XRN1: variants seen among roughly 807,000 people sequenced by gnomAD.
XRN1 encodes the protein 5'-3' exoribonuclease 1, also known as strand-exchange protein 1 homolog.
A neutral mutation model predicts 222.3 loss-of-function variants in XRN1; 67 were observed. The ratio of observed to expected loss-of-function variants is 0.30; its 90% CI spans 0.25 to 0.37. The LOEUF is 0.37. Among genes scored for constraint, XRN1 ranks in the 10% least tolerant of loss-of-function variants. The pLI is 1.00. For missense variants in XRN1, 1,707 were observed against 2,000.2 expected, an observed-to-expected ratio of 0.85 and a Z score of 2.80; for synonymous variants, 643 against 652.4, an observed-to-expected ratio of 0.99 and a Z score of 0.22.
intron 15 of XRN1, among the ~76,000 whole-genome samples, chr3:142,408,997 G>A (rs1288504631): frequency 6.6e-6 from 1 of 152,108 alleles, no homozygotes; most frequent in Non-Finnish European, 1.5e-5. Flanking sequence ...ATCTTGCCTT[G>A]TGAAAATGGC....
intron 19 of XRN1, 56 bp from the exon 20 acceptor site, chr3:142,397,516 T>G: frequency 7.2e-7 from 1 of 1,391,854 alleles, no homozygotes; most frequent in Non-Finnish European, 9.5e-7. Flanking sequence ...AATATAGAGT[T>G]CTAGCAGTGT....
chr3:142,404,919 C>T lies in XRN1; in HGVS notation c.1871G>A (p.Arg624Gln), dbSNP rs150688965. ...CAAGTAACATTACCTTGTACAACAT[C>T]GTTCTATGGCAGGGAACTTTTCTGG... ...PWPEKFPAIERCCTRYKIISL... is the reference protein window; with the variant it reads ...PWPEKFPAIEQCCTRYKIISL... The change falls in exon 16 of 41, where the codon CGA (arginine) becomes CAA (glutamine). Residue 624 changes from arginine (R) to glutamine (Q), a missense_variant. This residue lies in a region of XRN1 where 1,234 missense variants were observed against 1,518.2 expected (regional missense o/e 0.81). Coordinates refer to ENST00000392981, the MANE Select transcript of XRN1 (RefSeq NM_001282857.2). 2.7e-5 allele frequency: 44 copies of T among 1,613,810 alleles called. No homozygotes were observed. In the African/African-American group the frequency reaches 4.3e-4, roughly 16 times the overall value.
At position 142,310,861 on chromosome 3, in the gene XRN1, G is replaced by T. The variant is rs1216754653; in HGVS notation, c.*650C>A. ...TATTTATAGTTCTAAGCAGTTAGAT[G>T]AAATATTCTGATTATTCTAAAGTTG... On this transcript the variant is annotated 3_prime_UTR_variant, in exon 41 of 41. Coordinates refer to ENST00000392981, the MANE Select transcript of XRN1 (RefSeq NM_001282857.2). The T allele has an allele frequency of 6.6e-6, 1 of 152,572 alleles. No individual in the cohort carries two copies. Among genetic ancestry groups the T allele is most frequent in the Non-Finnish European group, 1.5e-5 (1 of 68,020 alleles). 9.5% of individuals were successfully genotyped at this position (152,572 alleles called of 1,614,324 possible).
rs372200457 is a variant in XRN1 at position 142,425,418 on chromosome 3, A to C, written c.516+11T>G. The C allele has an allele frequency of 3.0e-4, 486 of 1,594,398 alleles. 5 individuals are homozygous for C. The highest frequency in any genetic ancestry group is 6.2e-5 in the Non-Finnish European group (73 of 1,171,206). ...TTTTTTTAAACTCTTTAAATAAAAA[A>C]AGATAATAACCTCATGGCCTGAGAA... On this transcript the variant is annotated intron_variant, in intron 4 of 40. Coordinates refer to ENST00000392981, the MANE Select transcript of XRN1 (RefSeq NM_001282857.2).
chr3:142,321,172 T>C (rs1410853946), intron 37 of XRN1, among the ~76,000 whole-genome samples: 1 of 142,396 alleles, frequency 7.0e-6, no homozygotes, highest in African/African-American at 2.6e-5. Flanking sequence ...CAGGCTGGAA[T>C]GCAGTAGCGT....
chr3:142,442,849 T>G (rs2070291937), intron 1 of XRN1, among the ~76,000 whole-genome samples: 1 of 151,776 alleles, frequency 6.6e-6, no homozygotes, highest in African/African-American at 2.4e-5. Flanking sequence ...TTCTCCTGCC[T>G]CAGCCTCCTG....
At chr3:142,343,449 C>T (rs894486827) in intron 33 of XRN1, among the ~76,000 whole-genome samples, 2 of 148,958 alleles carry the variant, frequency 1.3e-5, no homozygotes, top group African/African-American at 2.5e-5. Flanking sequence ...AGCGAAATTC[C>T]GTCTTAAAAA....
At chr3:142,433,194 CA>C (rs1165731221) in intron 1 of XRN1, among the ~76,000 whole-genome samples, 3 of 152,142 alleles carry the variant, frequency 2.0e-5, no homozygotes, top group African/African-American at 7.2e-5. Flanking sequence ...ATTTGGTACT[CA>C]AAATATTAGT....
At position 142,312,658 on chromosome 3, in the gene XRN1, C is replaced by T; in HGVS notation, c.4722G>A (p.Gly1574=). The T allele has an allele frequency of 6.2e-7, 1 of 1,613,706 alleles. No individual in the cohort carries two copies. Among genetic ancestry groups the T allele is most frequent in the Non-Finnish European group, 8.5e-7 (1 of 1,179,674 alleles). ...GKPFHHTLYS[G]TMPMAGGIPG... is the part of the protein sequence containing the mutation. ...GTATTCCCCCAGCCATGGGCATGGT[C>T]CCAGAATATAAAGTATGATGGAAGG... Residue 1574 remains glycine (G), a synonymous_variant, in exon 40 of 41, where the codon GGG becomes GGA. Coordinates refer to ENST00000392981, the MANE Select transcript of XRN1 (RefSeq NM_001282857.2).
At chr3:142,443,443 CA>C (rs1484318193) in intron 1 of XRN1, among the ~76,000 whole-genome samples, 19 of 106,184 alleles carry the variant, frequency 1.8e-4, no homozygotes, top group Non-Finnish European at 4.0e-4. Context: ...CACACCTGAT[CA>C]ATCAGAGAGC....
chr3:142,425,280 G>A lies in XRN1; in HGVS notation c.569C>T (p.Ala190Val). ...KIMEFIRSEK[A>V]KPDHDPNTRH... ...GGTGTTTGGATCATGATCTGGCTTT[G>A]CTTTCTCGGATCTGATAAATTCCAT... is the stretch of plus-strand genomic sequence containing the variant. Residue 190 changes from alanine to valine, a missense_variant, in exon 5 of 41, where the codon GCA becomes GTA. Physicochemically the swap from Ala to Val is moderately conservative, Grantham distance 64. This residue lies in a region of XRN1 where 1,234 missense variants were observed against 1,518.2 expected (regional missense o/e 0.81). Transcript: ENST00000392981. The A allele has an allele frequency of 6.2e-7, 1 of 1,608,014 alleles. No homozygotes were observed. The highest frequency in any genetic ancestry group is 1.1e-5 in the South Asian group (1 of 89,428).
At chr3:142,327,494 A>C (rs776503241) in intron 37 of XRN1, among the ~76,000 whole-genome samples, 17 of 150,864 alleles carry the variant, frequency 1.1e-4, no homozygotes, top group Non-Finnish European at 2.2e-4. Flanking sequence ...TCTCTTTTAC[A>C]GTCCGGCTAA....
chr3:142,424,123 T>C (rs988866682), intron 5 of XRN1, among the ~76,000 whole-genome samples: 18 of 151,380 alleles, frequency 1.2e-4, no homozygotes, highest in African/African-American at 4.1e-4. Context: ...TGAGACAGAG[T>C]CTCGCTCTGT....
At chr3:142,380,004 AAAG>A in intron 23 of XRN1, 75 bp downstream of exon 23, 1 of 1,100,098 alleles carries the variant, frequency 9.1e-7, no homozygotes, top group Non-Finnish European at 1.3e-6. Context: ...AAATAAATTC[AAAG>A]GAGGTGGCAA....
At chr3:142,371,367 T>G in intron 25 of XRN1, 39 bp from the exon 26 acceptor site, 1 of 1,479,616 alleles carries the variant, frequency 6.8e-7, no homozygotes, top group Non-Finnish European at 9.2e-7. Context: ...AAAATATATA[T>G]GGTTAATTTC....
intron 16 of XRN1, 148 bp from the exon 17 acceptor site, chr3:142,404,137 A>G (rs2068250538): frequency 1.5e-6 from 1 of 684,212 alleles, no homozygotes. Flanking sequence ...AAACACAAGC[A>G]GATAACCAGC....
At chr3:142,446,794 G>A (rs973100152) in intron 1 of XRN1, among the ~76,000 whole-genome samples, 3 of 152,154 alleles carry the variant, frequency 2.0e-5, no homozygotes, top group African/African-American at 7.2e-5. Flanking sequence ...TTCAAGATAA[G>A]CTAACCTTGG....
chr3:142,364,970 T>C (rs2066770134), intron 29 of XRN1, 77 bp downstream of exon 29: 3 of 1,426,630 alleles, frequency 2.1e-6, no homozygotes, highest in Admixed American at 2.5e-5. Context: ...TCTGGTTAGA[T>C]ATAAAAAACA....
In XRN1 at chr3:142,397,438, C is replaced by T; in HGVS notation, c.2230G>A (p.Gly744Arg). 4 of 1,602,912 alleles carry T rather than the reference C, an allele frequency of 2.5e-6. No individual in the cohort carries two copies. Among genetic ancestry groups the T allele is most frequent in the Non-Finnish European group, 3.4e-6 (4 of 1,174,682 alleles). ...ETKFYLEEPP[G>R]TQKLYSGRTA... ...CTTCCTGAATAAAGCTTCTGTGTTC[C>T]TGGAGGTTCTTCCAAGTAAAACCTT... The change falls in exon 20 of 41, where the codon GGA (glycine) becomes AGA (arginine). Residue 744 changes from glycine (G) to arginine (R), a missense_variant. By Grantham distance (125) the Gly-to-Arg change is moderately radical. This residue lies in a region of XRN1 where 1,234 missense variants were observed against 1,518.2 expected (regional missense o/e 0.81). Transcript: ENST00000392981.
Sources: gnomAD v4.1 joint callset for allele counts (sites outside exome capture counted in the v4.1 genomes callset) on GRCh38, gnomAD v4.1.1 for gene constraint, gnomAD v4.1.1 regional missense constraint, MANE v1.5 for transcripts, NCBI Gene and HGNC (gene_info 2026-07-23, HGNC 2026-07-21) for gene names.